WRN: variants seen among roughly 807,000 people sequenced by gnomAD.
WRN encodes the protein bifunctional 3'-5' exonuclease/ATP-dependent helicase WRN.
Under a neutral mutation model 180.7 loss-of-function variants are expected in WRN, and 149 were observed. The ratio of observed to expected loss-of-function variants is 0.82; its 90% CI spans 0.72 to 0.94. The LOEUF is 0.94. Ranked by LOEUF, WRN falls within the 40% of genes least tolerant of loss-of-function variation. The probability of loss-of-function intolerance (pLI) is 0.00; values close to 1 mark genes in which losing one functional copy is unlikely to be tolerated. For synonymous variants in WRN, 548 were observed against 568.9 expected, an observed-to-expected ratio of 0.96 and a Z score of 0.52; for missense variants, 1,661 against 1,700.1, an observed-to-expected ratio of 0.98 and a Z score of 0.40.
chr8:31,047,233 C>T (rs1225045475), intron 1 of WRN, among the ~76,000 whole-genome samples: 1 of 151,688 alleles, frequency 6.6e-6, no homozygotes, highest in African/African-American at 2.4e-5. Flanking sequence ...ACCTCGAATC[C>T]CTGGGCTCAA....
intron 34 of WRN, among the ~76,000 whole-genome samples, chr8:31,167,490 G>A (rs922377678): frequency 2.0e-5 from 3 of 152,040 alleles, no homozygotes; most frequent in African/African-American, 4.8e-5. Context: ...CATATTGACC[G>A]TATAGCCTGG....
At chr8:31,164,180 A>G (rs570026101) in intron 33 of WRN, among the ~76,000 whole-genome samples, 6 of 152,194 alleles carry the variant, frequency 3.9e-5, no homozygotes, top group South Asian at 4.2e-4. Flanking sequence ...TCATTAAACT[A>G]TCATTTCTGG....
At chr8:31,081,884 C>T (rs573718975) in intron 9 of WRN, among the ~76,000 whole-genome samples, 21 of 152,226 alleles carry the variant, frequency 1.4e-4, no homozygotes, top group Middle Eastern at 3.4e-3. Flanking sequence ...CCTCAGCCTC[C>T]CTAGTAGCTG....
intron 7 of WRN, among the ~76,000 whole-genome samples, chr8:31,071,956 C>T (rs1812928478): frequency 6.6e-6 from 1 of 152,146 alleles, no homozygotes; most frequent in Non-Finnish European, 1.5e-5. Context: ...TTTTGGGATG[C>T]GTTGTCACAC....
chr8:31,043,607 C>T (rs964272742), intron 1 of WRN, among the ~76,000 whole-genome samples: 2 of 152,138 alleles, frequency 1.3e-5, no homozygotes, highest in African/African-American at 4.8e-5. Context: ...TTTACTAAAA[C>T]CATGAGACAT....
chr8:31,055,746 T>C (rs776043438), intron 1 of WRN, among the ~76,000 whole-genome samples: 1 of 152,180 alleles, frequency 6.6e-6, no homozygotes, highest in Non-Finnish European at 1.5e-5. Context: ...GTGCAGAAGC[T>C]AAAAGACATG....
chr8:31,090,462 A>G lies in WRN; in HGVS notation c.1653-3A>G. ...AAATAGCTTTTTGCTTTTCACCTTC[A>G]AGAGTTCAGTGGAAAGTGATTCATT... On this transcript the variant is annotated splice_region_variant and splice_polypyrimidine_tract_variant and intron_variant, in intron 13 of 34. Coordinates refer to ENST00000298139, the MANE Select transcript of WRN (RefSeq NM_000553.6). The G allele has an allele frequency of 6.2e-7, 1 of 1,611,700 alleles. No homozygotes were observed. Among genetic ancestry groups the G allele is most frequent in the Non-Finnish European group, 8.5e-7 (1 of 1,178,424 alleles).
chr8:31,143,644 A>G (rs372803181), intron 28 of WRN, 21 bp downstream of exon 28: 13 of 1,526,786 alleles, frequency 8.5e-6, no homozygotes, highest in East Asian at 2.3e-5. Flanking sequence ...CCATATTTCT[A>G]TGTTCTATAC....
chr8:31,084,342 C>CA (rs1813439288), intron 10 of WRN, among the ~76,000 whole-genome samples: 1 of 151,958 alleles, frequency 6.6e-6, no homozygotes, highest in Non-Finnish European at 1.5e-5. Flanking sequence ...CAAATTATTG[C>CA]CATTTTTTTA....
rs1233766306 is a variant in WRN, at chr8:31,149,476, T to G, written c.3573-865T>G. On this transcript the variant is annotated intron_variant, in intron 30 of 34. Transcript: ENST00000298139. ...AGGTGTTTTTTTTTTTTTTTTTTTT[T>G]TTTTTTTTTTTTTTTGGTGATAGAG... 6.0e-4 allele frequency among the ~76,000 whole-genome samples: 57 copies of G among 95,160 alleles called. 1 individual carries two copies. Among genetic ancestry groups the G allele is most frequent in the Non-Finnish European group, 1.1e-3 (47 of 44,284 alleles). The allele number at this position is 95,160 out of a possible 152,430, so 62.4% of individuals were successfully genotyped here.
At chr8:31,166,287 G>A (rs572751891) in intron 33 of WRN, among the ~76,000 whole-genome samples, 2 of 152,224 alleles carry the variant, frequency 1.3e-5, no homozygotes, top group East Asian at 1.9e-4. Context: ...TGGGTTTACC[G>A]CACTCTGGAG....
chr8:31,058,613 T>A, intron 2 of WRN, 70 bp downstream of exon 2: 1 of 1,493,414 alleles, frequency 6.7e-7, no homozygotes, highest in East Asian at 2.4e-5. Flanking sequence ...AAGAGTCAGT[T>A]GTTACTTGTA....
At chr8:31,162,183 A>G (rs80128704) in intron 33 of WRN, among the ~76,000 whole-genome samples, 4,070 of 152,336 alleles carry the variant, frequency 0.027, 185 homozygotes, top group African/African-American at 0.089. Flanking sequence ...CTTTTGTAAT[A>G]ACACTTGGCT....
intron 1 of WRN, among the ~76,000 whole-genome samples, chr8:31,056,481 C>T (rs979423154): frequency 3.3e-5 from 5 of 152,092 alleles, no homozygotes; most frequent in South Asian, 2.1e-4. Context: ...CTACATATGA[C>T]GCATGTGGCA....
intron 1 of WRN, among the ~76,000 whole-genome samples, chr8:31,044,448 C>T (rs548683994): frequency 1.3e-5 from 2 of 151,108 alleles, no homozygotes; most frequent in South Asian, 2.1e-4. Flanking sequence ...CCTCCACCTC[C>T]CAGGTTCAAG....
intron 24 of WRN, among the ~76,000 whole-genome samples, chr8:31,135,939 C>G (rs955244733): frequency 6.6e-6 from 1 of 152,152 alleles, no homozygotes; most frequent in Non-Finnish European, 1.5e-5. Context: ...TATTCTAACA[C>G]TTAGCCGATC....
intron 9 of WRN, among the ~76,000 whole-genome samples, chr8:31,081,909 C>T (rs937933226): frequency 1.3e-5 from 2 of 152,020 alleles, no homozygotes; most frequent in African/African-American, 4.8e-5. Flanking sequence ...CACAGGCCTG[C>T]ACCACTACAC....
chr8:31,081,319 A>AT (rs1422700300), intron 9 of WRN, 23 bp downstream of exon 9: 1 of 1,610,980 alleles, frequency 6.2e-7, no homozygotes, highest in Non-Finnish European at 8.5e-7. Flanking sequence ...GAGGAAGCAC[A>AT]TTTTTAGTTA....
chr8:31,159,505 C>T (rs1803524410), intron 33 of WRN, among the ~76,000 whole-genome samples: 1 of 151,760 alleles, frequency 6.6e-6, no homozygotes, highest in Non-Finnish European at 1.5e-5. Flanking sequence ...TGCCCATGTA[C>T]TACCTGAATC....
Sources: gnomAD v4.1 joint callset for allele counts (sites outside exome capture counted in the v4.1 genomes callset) on GRCh38, gnomAD v4.1.1 for gene constraint, MANE v1.5 for transcripts, NCBI Gene and HGNC (gene_info 2026-07-23, HGNC 2026-07-21) for gene names.